ETFB: variants seen among roughly 807,000 people sequenced by gnomAD.
The protein encoded by ETFB is beta-ETF.
Under a neutral mutation model 25.6 loss-of-function variants are expected in ETFB, and 20 were observed. The ratio of observed to expected loss-of-function variants is 0.78; its 90% CI spans 0.55 to 1.14. ETFB has a LOEUF of 1.14. Among genes scored for constraint, ETFB ranks in the 50% most tolerant of loss-of-function variants. The pLI, the probability that ETFB is intolerant of heterozygous loss-of-function variation, is 0.00. For missense variants in ETFB, 286 were observed against 342.6 expected (o/e 0.83, Z 1.30); for synonymous variants, 142 against 146.7 (o/e 0.97, Z 0.23).
At chr19:51,361,412 C>T (rs548403512) in intron 1 of ETFB, among the ~76,000 whole-genome samples, 19 of 152,228 alleles carry the variant, frequency 1.2e-4, no homozygotes, top group East Asian at 1.2e-3. Context: ...ATCACTAACT[C>T]GGCGGGGGGC....
chr19:51,354,253 A>G lies in ETFB; in HGVS notation c.113T>C (p.Met38Thr), dbSNP rs775541180. The G allele has an allele frequency of 6.2e-6, 10 of 1,614,084 alleles. No individual in the cohort carries two copies. The South Asian group carries it at 7.7e-5, about 12-fold the overall frequency. The stretch of plus-strand genomic sequence containing the variant: ...CACCGCGATCTCACAGAAGGGGTTC[A>G]TGGAGTGCTTCACACCATCCGTGAC... ...GVVTDGVKHS[M>T]NPFCEIAVEE... Residue 38 changes from methionine to threonine, a missense_variant, in exon 2 of 6, where the codon ATG becomes ACG. Met to Thr is a moderately conservative substitution (Grantham distance 81). Transcript: ENST00000309244.
intron 1 of ETFB, among the ~76,000 whole-genome samples, chr19:51,364,720 G>A (rs1448365456): frequency 6.6e-6 from 1 of 152,248 alleles, no homozygotes; most frequent in African/African-American, 2.4e-5. Flanking sequence ...AAGGGCTACA[G>A]GTGACATCCC....
chr19:51,358,169 G>A (rs1256953412), intron 1 of ETFB, among the ~76,000 whole-genome samples: 1 of 152,232 alleles, frequency 6.6e-6, no homozygotes, highest in African/African-American at 2.4e-5. Flanking sequence ...CCGCCACCCA[G>A]GGCTTGGCCA....
intron 5 of ETFB, 115 bp downstream of exon 5, chr19:51,346,785 G>T: frequency 9.5e-7 from 1 of 1,055,050 alleles, no homozygotes; most frequent in Non-Finnish European, 1.4e-6. Context: ...ACGGCTTCCT[G>T]TGCACGAGAC....
chr19:51,364,774 G>T (rs1337219387), intron 1 of ETFB, among the ~76,000 whole-genome samples: 3 of 152,238 alleles, frequency 2.0e-5, no homozygotes, highest in Non-Finnish European at 4.4e-5. Context: ...GGGGCATTGA[G>T]GGAGATGGGA....
At chr19:51,345,458 C>A in intron 5 of ETFB, 77 bp from the exon 6 acceptor site, 1 of 1,447,324 alleles carries the variant, frequency 6.9e-7, no homozygotes, top group Middle Eastern at 2.0e-4. Context: ...CCATGGGTGC[C>A]AGGCCTGCAG....
intron 4 of ETFB, chr19:51,347,349 G>A (rs1985823669): frequency 5.3e-6 from 2 of 376,070 alleles, no homozygotes; most frequent in Admixed American, 4.1e-5. Flanking sequence ...CCTGTGCTAA[G>A]CAACTGATGT....
chr19:51,354,791 G>A, intron 1 of ETFB: 1 of 810,160 alleles, frequency 1.2e-6, no homozygotes, highest in South Asian at 1.6e-5. Context: ...GGCAACAATA[G>A]AGCAGCCTGG....
chr19:51,345,410 G>C (rs766221962), intron 5 of ETFB, 29 bp from the exon 6 acceptor site: 2 of 1,611,766 alleles, frequency 1.2e-6, no homozygotes, highest in East Asian at 4.5e-5. Context: ...TGTTCACAGG[G>C]CTGTGGAACT....
chr19:51,359,924 G>A (rs1986178422), intron 1 of ETFB, among the ~76,000 whole-genome samples: 1 of 152,014 alleles, frequency 6.6e-6, no homozygotes, highest in South Asian at 2.1e-4. Flanking sequence ...AGGCTGAGGT[G>A]GGAGGACGGC....
At chr19:51,363,889 G>A (rs1219637686) in intron 1 of ETFB, among the ~76,000 whole-genome samples, 1 of 152,204 alleles carries the variant, frequency 6.6e-6, no homozygotes, top group African/African-American at 2.4e-5. Context: ...GGAGGAGCAG[G>A]TCACAGTGGC....
intron 4 of ETFB, chr19:51,347,930 A>C (rs1985837261): frequency 6.6e-6 from 1 of 152,208 alleles, no homozygotes; most frequent in South Asian, 2.1e-4. Context: ...GAATAAGAAG[A>C]AAATAAGACA....
chr19:51,354,335 G>C lies in ETFB; in HGVS notation c.58-27C>G, dbSNP rs553721514. ...TGCCCAGCAGGAGGGGAAGGGGTGG[G>C]GTCAGGAGGAAACAGGCAAGAAGGT... On this transcript the variant is annotated intron_variant, in intron 1 of 5. Coordinates refer to ENST00000309244, the MANE Select transcript of ETFB (RefSeq NM_001985.3). 2.5e-6 allele frequency: 4 copies of C among 1,614,116 alleles called. No individual in the cohort carries two copies. The East Asian group carries it at 6.7e-5, about 27-fold the overall frequency.
chr19:51,353,347 T>A, intron 2 of ETFB, 57 bp from the exon 3 acceptor site: 1 of 1,602,220 alleles, frequency 6.2e-7, no homozygotes, highest in Non-Finnish European at 8.5e-7. Flanking sequence ...CCTAGGAGTC[T>A]GGCTCGCAGC....
chr19:51,365,286 C>T (rs966079921), intron 1 of ETFB: 3 of 152,228 alleles, frequency 2.0e-5, no homozygotes, highest in Non-Finnish European at 4.4e-5. Flanking sequence ...ATGCCTGCCA[C>T]GTAAGTACCC....
At chr19:51,348,868 A>C (rs1319639987) in intron 4 of ETFB, among the ~76,000 whole-genome samples, 2 of 152,202 alleles carry the variant, frequency 1.3e-5, no homozygotes, top group Non-Finnish European at 2.9e-5. Context: ...CTGAATTGAG[A>C]TGTGCTGTAA....
At chr19:51,362,655 T>C (rs959026187) in intron 1 of ETFB, among the ~76,000 whole-genome samples, 6 of 152,124 alleles carry the variant, frequency 3.9e-5, no homozygotes, top group Admixed American at 1.3e-4. Context: ...CTCAATAAAG[T>C]AGATAGTACC....
chr19:51,359,012 A>C (rs1986155317), intron 1 of ETFB, among the ~76,000 whole-genome samples: 1 of 152,090 alleles, frequency 6.6e-6, no homozygotes, highest in Non-Finnish European at 1.5e-5. Flanking sequence ...AAGAAAAAGA[A>C]AAAGAAAAAG....
At chr19:51,346,348 G>A (rs1246806630) in intron 5 of ETFB, 2 of 166,130 alleles carry the variant, frequency 1.2e-5, no homozygotes, top group African/African-American at 2.4e-5. Context: ...CCCATTAGTT[G>A]AGATGATCCA....
Sources: allele counts gnomAD v4.1 joint callset (sites outside exome capture counted in the v4.1 genomes callset), GRCh38; gene constraint gnomAD v4.1.1; transcripts MANE v1.5; gene names NCBI Gene and HGNC (gene_info 2026-07-23, HGNC 2026-07-21).